NKPD1: variants seen among roughly 807,000 people sequenced by gnomAD.
The protein encoded by NKPD1 is NTPase KAP family P-loop domain-containing protein 1.
Under a neutral mutation model 42.2 loss-of-function variants are expected in NKPD1, and 37 were observed. The observed-to-expected ratio is 0.88, with a 90% CI of 0.67 to 1.15. NKPD1 has a LOEUF of 1.15. Ranked by LOEUF, NKPD1 falls within the 50% of genes most tolerant of loss-of-function variation. The pLI is 0.00. For synonymous variants in NKPD1, 552 were observed against 536.5 expected, an observed-to-expected ratio of 1.03 and a Z score of -0.40; for missense variants, 1,113 against 1,174.6, an observed-to-expected ratio of 0.95 and a Z score of 0.77.
chr19:45,162,104 C>T (rs1199977924), upstream of NKPD1, among the ~76,000 whole-genome samples: 1 of 152,158 alleles, frequency 6.6e-6, no homozygotes, highest in Non-Finnish European at 1.5e-5. Flanking sequence ...CCGTGCCAAC[C>T]CCCCACACCC....
At position 45,153,026 on chromosome 19, in the gene NKPD1, C is replaced by T. The variant is rs1476602391; in HGVS notation, c.1411G>A (p.Gly471Ser). ...LDTCYPERVV[G>S]VLNAINTLLS... The stretch of plus-strand genomic sequence containing the variant: ...AGCGTGTTGATGGCGTTGAGCACGC[C>T]CACCACGCGCTCCGGGTAGCACGTG... The change falls in exon 5 of 5, where the codon GGC becomes AGC. Residue 471 changes from glycine (G) to serine (S), a missense_variant. Transcript: ENST00000686631. The T allele has an allele frequency of 6.3e-7, 1 of 1,584,052 alleles. No individual in the cohort carries two copies. Among genetic ancestry groups the T allele is most frequent in the Non-Finnish European group, 8.6e-7 (1 of 1,164,494 alleles).
rs1025046045 is a variant in NKPD1 at position 45,150,824 on chromosome 19, G to A, written c.*1114C>T. On this transcript the variant is annotated 3_prime_UTR_variant, in exon 5 of 5. Coordinates refer to ENST00000686631, the MANE Select transcript of NKPD1 (RefSeq NM_198478.4). ...AGTGACCCAGTCCCATGGCCTGAGGGTGTGTGCCTTTGCAGAGCTCTCAGG... is the reference window on the plus strand; with the variant it reads ...AGTGACCCAGTCCCATGGCCTGAGGATGTGTGCCTTTGCAGAGCTCTCAGG... 1.3e-5 allele frequency: 2 copies of A among 152,266 alleles called. No homozygotes were observed. The highest frequency in any genetic ancestry group is 2.9e-5 in the Non-Finnish European group (2 of 68,060). The allele number at this position is 152,266 out of a possible 1,614,324, so 9.4% of individuals were successfully genotyped here.
Position 45,151,610 on chromosome 19 carries a change from TGGGGCAGGCCCTGTGGCAGGAC to T in NKPD1, c.*306_*327del, listed in dbSNP as rs1347234306. The T allele has an allele frequency of 4.2e-5, 12 of 285,982 alleles. No homozygotes were observed. Among genetic ancestry groups the T allele is most frequent in the Admixed American group, 5.1e-5 (1 of 19,788 alleles). The allele number at this position is 285,982 out of a possible 1,614,324, so 17.7% of individuals were successfully genotyped here. On this transcript the variant is annotated 3_prime_UTR_variant, in exon 5 of 5. Coordinates refer to ENST00000686631, the MANE Select transcript of NKPD1 (RefSeq NM_198478.4). The stretch of plus-strand genomic sequence containing the variant: ...AGAGGAGTAAGTGGGCTTAGCAGGA[TGGGGCAGGCCCTGTGGCAGGAC>T]GGGGCAGGCCTGGTCCCTGGTCAGA...
In NKPD1 at chr19:45,155,919, G is replaced by A. The variant is rs1269954974; in HGVS notation, c.530-3C>T. 2.3e-6 allele frequency: 3 copies of A among 1,304,264 alleles called. No individual in the cohort carries two copies. The highest frequency in any genetic ancestry group is 2.3e-5 in the Admixed American group (1 of 43,506). The allele number at this position is 1,304,264 out of a possible 1,614,324, so 80.8% of individuals were successfully genotyped here. On this transcript the variant is annotated splice_region_variant and splice_polypyrimidine_tract_variant and intron_variant, in intron 3 of 4. Transcript: ENST00000686631. ...GACGTCATCCTCTGTCAGGATGTCTGGTGGTTGGGAGTGGGGACACTGAGT... is the reference window on the plus strand; with the variant it reads ...GACGTCATCCTCTGTCAGGATGTCTAGTGGTTGGGAGTGGGGACACTGAGT...
chr19:45,157,766 C>T (rs1321100506), intron 3 of NKPD1, among the ~76,000 whole-genome samples: 1 of 144,178 alleles, frequency 6.9e-6, no homozygotes, highest in African/African-American at 2.6e-5. Flanking sequence ...GCTCTGTCAC[C>T]CAGGCTGGAG....
rs1365832442 is a variant in NKPD1 at position 45,153,333 on chromosome 19, G to A, written c.1104C>T (p.Gly368=). 1 of 1,569,604 alleles carries A rather than the reference G, an allele frequency of 6.4e-7. No homozygotes were observed. Among genetic ancestry groups the A allele is most frequent in the Non-Finnish European group, 8.6e-7 (1 of 1,159,522 alleles). ...GCAGGCTGCCGCTCGGGCTGCCGTG[G>A]CCCAGCGCGTGGCCGCCCAGTGACA... ...LYLSLGGHAL[G]HGSPSGSLLK... The change falls in exon 5 of 5, where the codon GGC becomes GGT. Residue 368 remains glycine (G), a synonymous_variant. Transcript: ENST00000686631.
Position 45,158,579 on chromosome 19 carries a change from T to C in NKPD1, c.529+84A>G. 8.8e-7 allele frequency: 1 copy of C among 1,135,786 alleles called. No individual in the cohort carries two copies. The allele number at this position is 1,135,786 out of a possible 1,614,324, so 70.4% of individuals were successfully genotyped here. ...GTGGATGAAGAGGGCAGGTGCAAGA[T>C]GCTAGGCAGGGAGCAAGGAGAGCAG... is the stretch of plus-strand genomic sequence containing the variant. On this transcript the variant is annotated intron_variant, in intron 3 of 4. Transcript: ENST00000686631. This position sits in a 1 kb window ranked among gnomAD's most constrained non-coding sequence, Gnocchi z 4.6.
rs746653305 is a variant in NKPD1 at position 45,153,033 on chromosome 19, G to A, written c.1404C>T (p.Arg468=). The change falls in exon 5 of 5, where the codon CGC becomes CGT. Residue 468 remains arginine, a synonymous_variant. Transcript: ENST00000686631. Reference sequence around the variant, plus strand: ...TGATGGCGTTGAGCACGCCCACCACGCGCTCCGGGTAGCACGTGTCCAGCC... The same window carrying A: ...TGATGGCGTTGAGCACGCCCACCACACGCTCCGGGTAGCACGTGTCCAGCC... ...VTGLDTCYPE[R]VVGVLNAINT... 3.8e-6 allele frequency: 6 copies of A among 1,582,534 alleles called. No individual in the cohort carries two copies. Among genetic ancestry groups the A allele is most frequent in the Non-Finnish European group, 5.2e-6 (6 of 1,163,642 alleles).
chr19:45,155,159 A>C (rs1226643687), intron 4 of NKPD1, among the ~76,000 whole-genome samples: 1 of 151,694 alleles, frequency 6.6e-6, no homozygotes, highest in African/African-American at 2.4e-5. Context: ...TCTACTAAAA[A>C]TACAAAAAAT....
At position 45,153,212 on chromosome 19, in the gene NKPD1, T is replaced by TG. The variant is rs1279576182; in HGVS notation, c.1224dup (p.Lys409GlnfsTer10). The TG allele has an allele frequency of 6.3e-7, 1 of 1,595,600 alleles. No homozygotes were observed. The highest frequency in any genetic ancestry group is 8.5e-7 in the Non-Finnish European group (1 of 1,171,806). On this transcript the variant is annotated frameshift_variant, in exon 5 of 5. Coordinates refer to ENST00000686631, the MANE Select transcript of NKPD1 (RefSeq NM_198478.4). LOFTEE classifies it high-confidence loss of function. ...CGCGACACCAGCCGCTCGATCTTCTTGCGCTGGCTTACGAACAGGTGCTTG... is the reference window on the plus strand; with the variant it reads ...CGCGACACCAGCCGCTCGATCTTCTTGGCGCTGGCTTACGAACAGGTGCTTG...
Position 45,153,121 on chromosome 19 carries a change from T to C in NKPD1, c.1316A>G (p.Asp439Gly). ...GTAGATCTCCAGGAAGCACAGGAAG[T>C]CGGTGAGCAGCTCCACCTCCTTCTT... ...EVKKEVELLT[D>G]FLCFLEIYQR... is the part of the protein sequence containing the mutation. The change falls in exon 5 of 5, where the codon GAC (aspartate) becomes GGC (glycine). Residue 439 changes from aspartate (D) to glycine (G), a missense_variant. Coordinates refer to ENST00000686631, the MANE Select transcript of NKPD1 (RefSeq NM_198478.4). 1 of 1,575,616 alleles carries C rather than the reference T, an allele frequency of 6.3e-7. No homozygotes were observed. Among genetic ancestry groups the C allele is most frequent in the Non-Finnish European group, 8.6e-7 (1 of 1,161,430 alleles).
At chr19:45,161,100 C>T (rs2099343786), upstream of NKPD1, among the ~76,000 whole-genome samples, 1 of 152,212 alleles carries the variant, frequency 6.6e-6, no homozygotes, top group Non-Finnish European at 1.5e-5. Context: ...TCTCTGCTCT[C>T]GAGGACTGGG....
chr19:45,157,980 C>T (rs193030277), intron 3 of NKPD1, among the ~76,000 whole-genome samples: 4 of 152,282 alleles, frequency 2.6e-5, no homozygotes, highest in Admixed American at 1.3e-4. Context: ...CAGCTTCAGC[C>T]TCCCAAAGTG....
At position 45,153,705 on chromosome 19, in the gene NKPD1, G is replaced by T. The variant is rs1399134284; in HGVS notation, c.732C>A (p.Ala244=). Reference sequence around the variant, plus strand: ...GCTGCGGGACGCCCCAGCCGCTCACGGCACGCGGCCGCCACTGCACGTGCT... The same window carrying T: ...GCTGCGGGACGCCCCAGCCGCTCACTGCACGCGGCCGCCACTGCACGTGCT... ...ELQHVQWRPR[A]VSGWGVPQLL... The change falls in exon 5 of 5, where the codon GCC becomes GCA. Residue 244 remains alanine, a synonymous_variant. Transcript: ENST00000686631. 1 of 1,539,168 alleles carries T rather than the reference G, an allele frequency of 6.5e-7. No individual in the cohort carries two copies. The highest frequency in any genetic ancestry group is 8.8e-7 in the Non-Finnish European group (1 of 1,138,860).
intron 2 of NKPD1, 67 bp downstream of exon 2, chr19:45,159,990 TTCC>T: frequency 1.2e-6 from 1 of 860,764 alleles, no homozygotes; most frequent in South Asian, 1.6e-5. Context: ...TCCCCTTCTG[TTCC>T]TCCATTCACT....
At chr19:45,157,837 G>A (rs1968933267) in intron 3 of NKPD1, among the ~76,000 whole-genome samples, 1 of 149,500 alleles carries the variant, frequency 6.7e-6, no homozygotes, top group Admixed American at 6.8e-5. Flanking sequence ...TGATTCTCGT[G>A]CCTCAGCCTC....
At position 45,151,890 on chromosome 19, in the gene NKPD1, G is replaced by A; in HGVS notation, c.*48C>T. The A allele has an allele frequency of 1.3e-6, 2 of 1,482,830 alleles. No homozygotes were observed. Among genetic ancestry groups the A allele is most frequent in the Non-Finnish European group, 1.8e-6 (2 of 1,111,552 alleles). 91.9% of individuals were successfully genotyped at this position (1,482,830 alleles called of 1,614,324 possible). A position where few individuals can be genotyped will look rare whatever the true frequency, so the allele number is the denominator to read the frequency against. On this transcript the variant is annotated 3_prime_UTR_variant, in exon 5 of 5. Transcript: ENST00000686631. ...AGTCCAGCCCCCTATTCTCCCATCTGGGCAGATGGAGGAACCCTTGCCTCC... is the reference window on the plus strand; with the variant it reads ...AGTCCAGCCCCCTATTCTCCCATCTAGGCAGATGGAGGAACCCTTGCCTCC...
chr19:45,151,964 C>A lies in NKPD1; in HGVS notation c.2473G>T (p.Gly825Trp), dbSNP rs1405117443. The change falls in exon 5 of 5, where the codon GGG (glycine) becomes TGG (tryptophan). Residue 825 changes from glycine (G) to tryptophan (W), a missense_variant. By Grantham distance (184) the Gly-to-Trp change is radical. This residue lies in a region of NKPD1 where 867 missense variants were observed against 870.1 expected (regional missense o/e 1.00). Coordinates refer to ENST00000686631, the MANE Select transcript of NKPD1 (RefSeq NM_198478.4). ...WPVACALFRPGQSSPGGP is the reference protein window; with the variant it reads ...WPVACALFRPWQSSPGGP ...TAAGGCCCACCTGGGCTGGATTGCC[C>A]TGGACGGAAGAGCGCACAGGCCACC... The A allele has an allele frequency of 4.4e-6, 7 of 1,590,090 alleles. No homozygotes were observed. Among genetic ancestry groups the A allele is most frequent in the Non-Finnish European group, 6.0e-6 (7 of 1,165,180 alleles).
chr19:45,154,436 G>C (rs1968863367), intron 4 of NKPD1, among the ~76,000 whole-genome samples: 1 of 152,224 alleles, frequency 6.6e-6, no homozygotes, highest in African/African-American at 2.4e-5. Flanking sequence ...CTTAGGGAAT[G>C]CCTGAACAAT....
Sources: allele counts gnomAD v4.1 joint callset (sites outside exome capture counted in the v4.1 genomes callset), GRCh38; gene constraint gnomAD v4.1.1; regional missense constraint gnomAD v4.1.1; non-coding constraint Gnocchi (gnomAD v3.1); transcripts MANE v1.5; gene names NCBI Gene and HGNC (gene_info 2026-07-23, HGNC 2026-07-21).